The following GPATCH1 variants were observed in gnomAD, a reference collection of about 807,000 sequenced individuals.
GPATCH1 encodes G-patch domain containing 1.
In GPATCH1, 73 loss-of-function variants were observed where a neutral mutation model predicts 114.9. The ratio of observed to expected loss-of-function variants is 0.64; its 90% confidence interval spans 0.53 to 0.77. GPATCH1 has a LOEUF of 0.77. GPATCH1 is among the 30% of genes least tolerant of loss of function. The pLI is 0.00. For synonymous variants in GPATCH1, 391 were observed against 428.4 expected (o/e 0.91, Z 1.08); for missense variants, 1,058 against 1,144.3 (o/e 0.92, Z 1.09).
chr19:33,116,722 G>C (rs1972919902), intron 15 of GPATCH1, among the ~76,000 whole-genome samples: 1 of 152,094 alleles, frequency 6.6e-6, no homozygotes, highest in Non-Finnish European at 1.5e-5. Context: ...GTAGAGACGG[G>C]GTTTTACTGT....
In GPATCH1 at chr19:33,126,708, G is replaced by A. The variant is rs199830028; in HGVS notation, c.2740G>A (p.Val914Met). Residue 914 changes from valine (V) to methionine (M), a missense_variant, in exon 19 of 20, where the codon GTG becomes ATG. Physicochemically the swap from Val to Met is conservative, Grantham distance 21. Transcript: ENST00000170564. Reference protein sequence around the residue: ...DSQSDEETADVSPQELLRRLK... With the variant: ...DSQSDEETADMSPQELLRRLK... ...CCAGAGTGACGAGGAAACCGCAGAC[G>A]TGTCGCCCCAGGAGCTGCTGAGACG... 19 of 1,613,464 alleles carry A rather than the reference G, an allele frequency of 1.2e-5. No individual in the cohort carries two copies. Among genetic ancestry groups the A allele is most frequent in the African/African-American group, 5.3e-5 (4 of 74,778 alleles).
Position 33,097,854 on chromosome 19 carries a change from G to C in GPATCH1, c.952G>C (p.Asp318His). 1 of 1,614,074 alleles carries C rather than the reference G, an allele frequency of 6.2e-7. No individual in the cohort carries two copies. Among genetic ancestry groups the C allele is most frequent in the Non-Finnish European group, 8.5e-7 (1 of 1,179,960 alleles). The change falls in exon 8 of 20, where the codon GAC (aspartate) becomes CAC (histidine). Residue 318 changes from aspartate to histidine, a missense_variant. Coordinates refer to ENST00000170564, the MANE Select transcript of GPATCH1 (RefSeq NM_018025.3). ...DTVLKDEEPGDGLYGWTAPRQ... is the reference protein window; with the variant it reads ...DTVLKDEEPGHGLYGWTAPRQ... ...TGTTCTGAAGGACGAGGAGCCTGGAGACGGACTCTATGGCTGGACAGCACC... is the reference window on the plus strand; with the variant it reads ...TGTTCTGAAGGACGAGGAGCCTGGACACGGACTCTATGGCTGGACAGCACC...
chr19:33,091,972 A>G (rs1262629222), intron 3 of GPATCH1, among the ~76,000 whole-genome samples: 1 of 151,858 alleles, frequency 6.6e-6, no homozygotes, highest in Admixed American at 6.6e-5. Context: ...TGATTGCAAA[A>G]TGGCTGTAGT....
chr19:33,090,577 A>G (rs939591987), intron 2 of GPATCH1, among the ~76,000 whole-genome samples: 3 of 152,142 alleles, frequency 2.0e-5, no homozygotes, highest in African/African-American at 7.2e-5. Flanking sequence ...ACCTTAATGT[A>G]TCCACTAAGT....
rs1489457106 is a variant in GPATCH1 at position 33,094,286 on chromosome 19, A to G, written c.553+17A>G. 1 of 1,269,184 alleles carries G rather than the reference A, an allele frequency of 7.9e-7. No individual in the cohort carries two copies. The highest frequency in any genetic ancestry group is 2.3e-5 in the East Asian group (1 of 43,276). The allele number at this position is 1,269,184 out of a possible 1,614,324, so 78.6% of individuals were successfully genotyped here. ...AGAAACCTGGTGTGTATGTTAATTGATTAACTGTTATCACTGCTGCAGCGT... is the reference window on the plus strand; with the variant it reads ...AGAAACCTGGTGTGTATGTTAATTGGTTAACTGTTATCACTGCTGCAGCGT... On this transcript the variant is annotated intron_variant, in intron 5 of 19. Coordinates refer to ENST00000170564, the MANE Select transcript of GPATCH1 (RefSeq NM_018025.3).
intron 19 of GPATCH1, among the ~76,000 whole-genome samples, chr19:33,127,665 C>CCA (rs141613734): frequency 5.9e-5 from 9 of 151,522 alleles, no homozygotes; most frequent in African/African-American, 1.7e-4. Flanking sequence ...TTTTGTGCAA[C>CCA]CACACACACA....
intron 17 of GPATCH1, among the ~76,000 whole-genome samples, chr19:33,122,162 G>C (rs1186765503): frequency 1.3e-5 from 2 of 151,790 alleles, no homozygotes; most frequent in East Asian, 3.9e-4. Flanking sequence ...GGGATTACAG[G>C]TGCCTGGCTA....
At chr19:33,122,918 A>G (rs1973001424) in intron 17 of GPATCH1, among the ~76,000 whole-genome samples, 1 of 151,566 alleles carries the variant, frequency 6.6e-6, no homozygotes, top group Non-Finnish European at 1.5e-5. Context: ...TAAAAAAGAA[A>G]AAAATTAGCC....
intron 1 of GPATCH1, among the ~76,000 whole-genome samples, chr19:33,086,742 CAT>C (rs1026452631): frequency 1.0e-3 from 154 of 152,236 alleles, no homozygotes; most frequent in Non-Finnish European, 1.8e-3. Context: ...AGGCATGAGT[CAT>C]TGCGCCAGGC....
chr19:33,125,232 G>T, intron 18 of GPATCH1, 30 bp downstream of exon 18: 1 of 1,572,524 alleles, frequency 6.4e-7, no homozygotes, highest in Non-Finnish European at 8.6e-7. Context: ...CCCAGGATCA[G>T]TGTGGGGTGG....
At chr19:33,100,777 G>C (rs1972717000) in intron 8 of GPATCH1, among the ~76,000 whole-genome samples, 1 of 150,730 alleles carries the variant, frequency 6.6e-6, no homozygotes, top group African/African-American at 2.5e-5. Flanking sequence ...CATGTAGAAG[G>C]GGCTTTTTTT....
Position 33,093,438 on chromosome 19 carries a change from G to A in GPATCH1, c.374G>A (p.Arg125Gln), listed in dbSNP as rs374456620. The change falls in exon 4 of 20, where the codon CGA becomes CAA. Residue 125 changes from arginine (R) to glutamine (Q), a missense_variant. By Grantham distance (43) the Arg-to-Gln change is conservative. Coordinates refer to ENST00000170564, the MANE Select transcript of GPATCH1 (RefSeq NM_018025.3). Reference sequence around the variant, plus strand: ...GCCTCCAAAACCAAAGACAGAATACGAGAAAAGGCTAGGCAGTTGGCCGCT... The same window carrying A: ...GCCTCCAAAACCAAAGACAGAATACAAGAAAAGGCTAGGCAGTTGGCCGCT... Reference protein sequence around the residue: ...DFASKTKDRIREKARQLAAAT... With the variant: ...DFASKTKDRIQEKARQLAAAT... The A allele has an allele frequency of 1.3e-5, 21 of 1,613,912 alleles. No individual in the cohort carries two copies. In the African/African-American group the frequency reaches 2.4e-4, roughly 18 times the overall value.
intron 11 of GPATCH1, among the ~76,000 whole-genome samples, chr19:33,111,464 A>G (rs1599861666): frequency 6.6e-6 from 1 of 150,964 alleles, no homozygotes; most frequent in African/African-American, 2.4e-5. Context: ...ACCTCAAGTG[A>G]CCCACCCGCC....
rs534802954 is a variant in GPATCH1 at position 33,115,291 on chromosome 19, G to T, written c.2196+872G>T. On this transcript the variant is annotated intron_variant, in intron 15 of 19. Coordinates refer to ENST00000170564, the MANE Select transcript of GPATCH1 (RefSeq NM_018025.3). ...GGCCTTGCTATGTTTTTCCAGGTTG[G>T]TCTCAAACTTCTGCTCTCAAGCAGT... Among the ~76,000 whole-genome samples, 11 of 128,936 alleles carry T rather than the reference G, an allele frequency of 8.5e-5. No homozygotes were observed. In the South Asian group the frequency reaches 2.7e-3, roughly 32 times the overall value. 84.6% of individuals were successfully genotyped at this position (128,936 alleles called of 152,430 possible). A position where few individuals can be genotyped will look rare whatever the true frequency, so the allele number is the denominator to read the frequency against.
rs201600014 is a variant in GPATCH1 at position 33,111,800 on chromosome 19, G to A, written c.1662G>A (p.Ala554=). The change falls in exon 12 of 20, where the codon GCG becomes GCA. Residue 554 remains alanine, a synonymous_variant. Coordinates refer to ENST00000170564, the MANE Select transcript of GPATCH1 (RefSeq NM_018025.3). ...GTGAGCGGGATGAGTTTGCCCGGGC[G>A]GCCCTGCTGTACGCATCTTCCCATT... is the stretch of plus-strand genomic sequence containing the variant. ...RGRERDEFAR[A]ALLYASSHST... is the part of the protein sequence containing the mutation. 143 of 1,614,042 alleles carry A rather than the reference G, an allele frequency of 8.9e-5. No homozygotes were observed. The highest frequency in any genetic ancestry group is 4.9e-4 in the East Asian group (22 of 44,872).
intron 6 of GPATCH1, 44 bp from the exon 7 acceptor site, chr19:33,096,163 C>T (rs1972655659): frequency 2.5e-6 from 4 of 1,593,980 alleles, no homozygotes; most frequent in African/African-American, 2.7e-5. Context: ...GTTTACTTTG[C>T]ATCCTTCAGT....
chr19:33,099,802 C>T (rs1972704963), intron 8 of GPATCH1, among the ~76,000 whole-genome samples: 1 of 146,760 alleles, frequency 6.8e-6, no homozygotes, highest in Non-Finnish European at 1.5e-5. Context: ...AGGAATTTCC[C>T]TCTTGTTGCC....
intron 1 of GPATCH1, among the ~76,000 whole-genome samples, chr19:33,081,918 G>A (rs1972481799): frequency 8.4e-6 from 1 of 118,350 alleles, no homozygotes; most frequent in South Asian, 2.5e-4. Context: ...CTGTTTCCCA[G>A]GCTGGTCTTG....
chr19:33,112,769 G>A (rs879739710), intron 13 of GPATCH1, 156 bp downstream of exon 13: 7 of 520,270 alleles, frequency 1.3e-5, no homozygotes, highest in Non-Finnish European at 2.2e-5. Context: ...GATTTGCTTT[G>A]ATAAATTACT....
Sources: gnomAD v4.1 joint callset for allele counts (sites outside exome capture counted in the v4.1 genomes callset) on GRCh38, gnomAD v4.1.1 for gene constraint, MANE v1.5 for transcripts, NCBI Gene and HGNC (gene_info 2026-07-23, HGNC 2026-07-21) for gene names.